PLXDC1: variants seen among roughly 807,000 people sequenced by gnomAD.
The protein encoded by PLXDC1 is plexin domain-containing protein 1.
In PLXDC1, 39 loss-of-function variants were observed where a neutral mutation model predicts 61.3. That is an observed-to-expected ratio of 0.64 (90% confidence interval 0.49 to 0.83). The LOEUF is 0.83. Ranked by LOEUF, PLXDC1 falls within the 40% of genes least tolerant of loss-of-function variation. The pLI, the probability that PLXDC1 is intolerant of heterozygous loss-of-function variation, is 0.00. For synonymous variants in PLXDC1, 212 were observed against 254.5 expected, an observed-to-expected ratio of 0.83 and a Z score of 1.59; for missense variants, 596 against 666.5, an observed-to-expected ratio of 0.89 and a Z score of 1.17.
chr17:39,110,269 A>C (rs1426875888), intron 2 of PLXDC1, among the ~76,000 whole-genome samples: 1 of 152,146 alleles, frequency 6.6e-6, no homozygotes, highest in Non-Finnish European at 1.5e-5. Context: ...CTAATACAGA[A>C]CCCAGAGTCC....
intron 7 of PLXDC1, among the ~76,000 whole-genome samples, chr17:39,102,147 C>G (rs566077358): frequency 1.3e-5 from 2 of 152,258 alleles, no homozygotes; most frequent in South Asian, 2.1e-4. Flanking sequence ...GGGCGAGATG[C>G]TTGGTGGGTG....
chr17:39,102,744 A>ACT (rs1555571683), intron 7 of PLXDC1, among the ~76,000 whole-genome samples: 3,317 of 92,694 alleles, frequency 0.036, 39 homozygotes, highest in Middle Eastern at 0.083. Flanking sequence ...ACACACACTC[A>ACT]CTCACCTGAA....
chr17:39,070,217 T>C, intron 12 of PLXDC1: 1 of 469,044 alleles, frequency 2.1e-6, no homozygotes, highest in Non-Finnish European at 3.8e-6. Flanking sequence ...TCTGGGTAGT[T>C]TTCCAAAATC....
Position 39,065,844 on chromosome 17 carries a change from C to T in PLXDC1, c.*1996G>A, listed in dbSNP as rs996596790. ...TACTTCACACACTGTGCACACCCAT[C>T]TCAGGCAGCCGTAGACCCCTACGCC... On this transcript the variant is annotated 3_prime_UTR_variant, in exon 14 of 14. Transcript: ENST00000315392. 1 of 152,356 alleles carries T rather than the reference C, an allele frequency of 6.6e-6. No individual in the cohort carries two copies. The highest frequency in any genetic ancestry group is 1.5e-5 in the Non-Finnish European group (1 of 68,156). 9.4% of individuals were successfully genotyped at this position (152,356 alleles called of 1,614,324 possible). A position where few individuals can be genotyped will look rare whatever the true frequency, so the allele number is the denominator to read the frequency against.
chr17:39,127,514 C>T (rs1266191389), intron 2 of PLXDC1, among the ~76,000 whole-genome samples: 1 of 152,056 alleles, frequency 6.6e-6, no homozygotes, highest in Non-Finnish European at 1.5e-5. Flanking sequence ...AAGAAATGGG[C>T]TCCTCAGTAG....
At chr17:39,125,919 C>T (rs1911297685) in intron 2 of PLXDC1, among the ~76,000 whole-genome samples, 1 of 152,150 alleles carries the variant, frequency 6.6e-6, no homozygotes, top group South Asian at 2.1e-4. Context: ...ATGACTTCCT[C>T]TGCTTCGTAG....
chr17:39,097,294 A>G (rs1910243879), intron 7 of PLXDC1, among the ~76,000 whole-genome samples: 1 of 152,240 alleles, frequency 6.6e-6, no homozygotes, highest in African/African-American at 2.4e-5. Context: ...CTTGGTCAAT[A>G]GGATTATCCA....
At position 39,069,993 on chromosome 17, in the gene PLXDC1, T is replaced by C. The variant is rs772333485; in HGVS notation, c.1246A>G (p.Lys416Glu). The C allele has an allele frequency of 1.9e-6, 3 of 1,613,716 alleles. No homozygotes were observed. Among genetic ancestry groups the C allele is most frequent in the Non-Finnish European group, 2.5e-6 (3 of 1,179,844 alleles). Residue 416 changes from lysine to glutamate, a missense_variant, in exon 13 of 14, where the codon AAG becomes GAG. By Grantham distance (56) the Lys-to-Glu change is moderately conservative. Coordinates refer to ENST00000315392, the MANE Select transcript of PLXDC1 (RefSeq NM_020405.5). ...AGGTGCACAGGAGTGCCCTTTGTCT[T>C]GGGGGACAGGTTGTTCTGAAGGCCT... ...GDGLQNNLSP[K>E]TKGTPVHLGT...
chr17:39,122,640 A>G (rs1911202252), intron 2 of PLXDC1, among the ~76,000 whole-genome samples: 1 of 152,198 alleles, frequency 6.6e-6, no homozygotes, highest in South Asian at 2.1e-4. Context: ...AACCTTCCCA[A>G]GGAATTCACA....
At chr17:39,102,264 G>T (rs1429102365) in intron 7 of PLXDC1, among the ~76,000 whole-genome samples, 1 of 152,108 alleles carries the variant, frequency 6.6e-6, no homozygotes, top group Non-Finnish European at 1.5e-5. Flanking sequence ...GTAGCTCGAG[G>T]CAACTCATTA....
At chr17:39,071,109 C>T (rs894410147) in intron 12 of PLXDC1, among the ~76,000 whole-genome samples, 27 of 152,312 alleles carry the variant, frequency 1.8e-4, no homozygotes, top group Middle Eastern at 6.8e-3. Flanking sequence ...ACTTGAAATA[C>T]GTCCCGGGGG....
At chr17:39,141,315 G>A (rs945353376) in intron 1 of PLXDC1, among the ~76,000 whole-genome samples, 1 of 152,230 alleles carries the variant, frequency 6.6e-6, no homozygotes, top group Non-Finnish European at 1.5e-5. Context: ...TTACAGATAT[G>A]AGCCACAGCG....
chr17:39,108,782 AGCCAAATGT>A, intron 4 of PLXDC1, 113 bp downstream of exon 4: 2 of 690,202 alleles, frequency 2.9e-6, no homozygotes, highest in Non-Finnish European at 5.2e-6. Context: ...CTCCTATTAG[AGCCAAATGT>A]GCCTTCCTCC....
At chr17:39,125,336 G>C (rs539532455) in intron 2 of PLXDC1, among the ~76,000 whole-genome samples, 3 of 152,346 alleles carry the variant, frequency 2.0e-5, no homozygotes, top group South Asian at 2.1e-4. Context: ...AGAGATGTCA[G>C]AGTGAGTGAG....
At chr17:39,138,905 C>T (rs998280775) in intron 2 of PLXDC1, among the ~76,000 whole-genome samples, 2 of 152,140 alleles carry the variant, frequency 1.3e-5, no homozygotes, top group Non-Finnish European at 2.9e-5. Context: ...TACACATGCT[C>T]ATCACAGACA....
At chr17:39,099,192 A>C (rs1283397309) in intron 7 of PLXDC1, among the ~76,000 whole-genome samples, 1 of 151,846 alleles carries the variant, frequency 6.6e-6, no homozygotes, top group Non-Finnish European at 1.5e-5. Context: ...CAGAGCAGAC[A>C]TAGCCTCCCT....
At chr17:39,082,426 G>A (rs1401140426) in intron 9 of PLXDC1, among the ~76,000 whole-genome samples, 3 of 152,120 alleles carry the variant, frequency 2.0e-5, no homozygotes, top group Non-Finnish European at 4.4e-5. Context: ...TTAGCTGGGT[G>A]TGGTGGTGTG....
rs1041908530 is a variant in PLXDC1, at chr17:39,105,894, C to T, written c.771G>A (p.Ser257=). 3.1e-6 allele frequency: 5 copies of T among 1,613,854 alleles called. No homozygotes were observed. The African/African-American group carries it at 4.0e-5, about 13-fold the overall frequency. Residue 257 remains serine (S), a synonymous_variant, in exon 7 of 14, where the codon TCG becomes TCA. Transcript: ENST00000315392. ...ATGGATTGAGAATCATGAAGGCATC[C>T]GATAGGCCGGTTTTGACAGGATGCT... is the stretch of plus-strand genomic sequence containing the variant. ...SSQHPVKTGL[S]DAFMILNPSP... is the part of the protein sequence containing the mutation.
At chr17:39,099,872 C>T (rs1052255347) in intron 7 of PLXDC1, among the ~76,000 whole-genome samples, 9 of 152,154 alleles carry the variant, frequency 5.9e-5, no homozygotes, top group Admixed American at 2.0e-4. Flanking sequence ...TCTACGGTGG[C>T]TGCCTGGTAT....
Sources: allele counts gnomAD v4.1 joint callset (sites outside exome capture counted in the v4.1 genomes callset), GRCh38; gene constraint gnomAD v4.1.1; transcripts MANE v1.5; gene names NCBI Gene and HGNC (gene_info 2026-07-23, HGNC 2026-07-21).